Variants in SSH2 observed in about 807,000 individuals in gnomAD.
SSH2 encodes protein phosphatase Slingshot homolog 2.
In SSH2, 37 loss-of-function variants were observed where a neutral mutation model predicts 135.2. The observed-to-expected ratio is 0.27, with a 90% CI of 0.21 to 0.36. The LOEUF (loss-of-function observed/expected upper bound fraction) is 0.36. SSH2 is among the 10% of genes least tolerant of loss of function. The probability of loss-of-function intolerance (pLI) is 1.00; values close to 1 mark genes in which losing one functional copy is unlikely to be tolerated. For missense variants in SSH2, 1,408 were observed against 1,765.3 expected, an observed-to-expected ratio of 0.80 and a Z score of 3.63; for synonymous variants, 628 against 646.2, an observed-to-expected ratio of 0.97 and a Z score of 0.43.
chr17:29,836,899 C>T (rs186550350), intron 2 of SSH2, among the ~76,000 whole-genome samples: 4 of 152,174 alleles, frequency 2.6e-5, no homozygotes, highest in African/African-American at 9.7e-5. Flanking sequence ...ACAAGGTTAA[C>T]ACTTCTTGCC....
chr17:29,667,005 A>G lies in SSH2; in HGVS notation c.904-10T>C. The G allele has an allele frequency of 6.2e-7, 1 of 1,614,120 alleles. No individual in the cohort carries two copies. Among genetic ancestry groups the G allele is most frequent in the Non-Finnish European group, 8.5e-7 (1 of 1,180,012 alleles). On this transcript the variant is annotated splice_polypyrimidine_tract_variant and intron_variant, in intron 10 of 15. Coordinates refer to ENST00000540801, the MANE Select transcript of SSH2 (RefSeq NM_001282129.2). Reference sequence around the variant, plus strand: ...CCAACTCTGTTCTTATCTGAAACAAAGATGATATATTGGACCCATCTCTTA... The same window carrying G: ...CCAACTCTGTTCTTATCTGAAACAAGGATGATATATTGGACCCATCTCTTA...
At chr17:29,663,254 C>T (rs2037126152) in intron 11 of SSH2, among the ~76,000 whole-genome samples, 1 of 152,258 alleles carries the variant, frequency 6.6e-6, no homozygotes, top group South Asian at 2.1e-4. Flanking sequence ...AGGAGAAATC[C>T]TGTTGCCTCT....
chr17:29,720,298 T>C (rs2039776457), intron 3 of SSH2, among the ~76,000 whole-genome samples: 2 of 152,200 alleles, frequency 1.3e-5, no homozygotes, highest in African/African-American at 4.8e-5. Context: ...ACCTTACCAG[T>C]AACTCTCAAA....
At chr17:29,730,981 T>G (rs2040169892) in intron 3 of SSH2, among the ~76,000 whole-genome samples, 1 of 152,216 alleles carries the variant, frequency 6.6e-6, no homozygotes, top group Non-Finnish European at 1.5e-5. Flanking sequence ...GACTTACAGT[T>G]CTCAGATCAT....
intron 1 of SSH2, among the ~76,000 whole-genome samples, chr17:29,902,973 G>A (rs1172685872): frequency 6.6e-6 from 1 of 151,968 alleles, no homozygotes; most frequent in Non-Finnish European, 1.5e-5. Flanking sequence ...ATCACTTGAG[G>A]TCAGGAATTC....
intron 12 of SSH2, among the ~76,000 whole-genome samples, chr17:29,652,932 A>G (rs2036636839): frequency 6.6e-6 from 1 of 152,220 alleles, no homozygotes; most frequent in African/African-American, 2.4e-5. Context: ...CTGGGATTAC[A>G]GGTGTGAACC....
Position 29,626,606 on chromosome 17 carries a change from G to T in SSH2, c.*4235C>A, listed in dbSNP as rs1161689196. 2 of 152,638 alleles carry T rather than the reference G, an allele frequency of 1.3e-5. No individual in the cohort carries two copies. The highest frequency in any genetic ancestry group is 2.4e-5 in the African/African-American group (1 of 41,428). The allele number at this position is 152,638 out of a possible 1,614,324, so 9.5% of individuals were successfully genotyped here. ...AAATGAGGCTGGTTATCTTCTCATA[G>T]CAGGAGCCAGGGCCAGTCACCCTCC... On this transcript the variant is annotated 3_prime_UTR_variant, in exon 16 of 16. Coordinates refer to ENST00000540801, the MANE Select transcript of SSH2 (RefSeq NM_001282129.2).
chr17:29,727,274 A>T (rs954158886), intron 3 of SSH2, among the ~76,000 whole-genome samples: 1 of 152,228 alleles, frequency 6.6e-6, no homozygotes, highest in Non-Finnish European at 1.5e-5. Context: ...GATGAATGGG[A>T]AATCTGAAGC....
At chr17:29,652,075 G>A (rs891156956) in intron 12 of SSH2, among the ~76,000 whole-genome samples, 4 of 152,166 alleles carry the variant, frequency 2.6e-5, no homozygotes, top group Admixed American at 2.0e-4. Flanking sequence ...CCGGGAGGCG[G>A]AGGTTGCAGT....
intron 3 of SSH2, among the ~76,000 whole-genome samples, chr17:29,764,936 G>A (rs1249215945): frequency 1.3e-5 from 2 of 152,192 alleles, no homozygotes; most frequent in Non-Finnish European, 2.9e-5. Context: ...GTGCTGAAAT[G>A]CGAATGAAGG....
chr17:29,894,873 C>T (rs1328581896), intron 1 of SSH2, among the ~76,000 whole-genome samples: 1 of 151,664 alleles, frequency 6.6e-6, no homozygotes, highest in East Asian at 1.9e-4. Context: ...TAGCTCCACC[C>T]CCGCCCCCCC....
chr17:29,761,290 A>C, intron 3 of SSH2: 1 of 1,283,766 alleles, frequency 7.8e-7, no homozygotes, highest in Non-Finnish European at 1.0e-6. Context: ...GGCCGGCTCA[A>C]AGTGCACAAC....
At chr17:29,709,287 T>C (rs933787165) in intron 3 of SSH2, among the ~76,000 whole-genome samples, 3 of 152,164 alleles carry the variant, frequency 2.0e-5, no homozygotes, top group African/African-American at 7.2e-5. Context: ...CTCCAAATCA[T>C]GCTCTACCAT....
chr17:29,780,648 C>T (rs981537781), intron 3 of SSH2: 1 of 151,914 alleles, frequency 6.6e-6, no homozygotes, highest in Non-Finnish European at 1.5e-5. Context: ...AGGTCTCGAG[C>T]TCCTGACCTC....
rs902083841 is a variant in SSH2, at chr17:29,630,618, A to T, written c.*223T>A. On this transcript the variant is annotated 3_prime_UTR_variant, in exon 16 of 16. Coordinates refer to ENST00000540801, the MANE Select transcript of SSH2 (RefSeq NM_001282129.2). Reference sequence around the variant, plus strand: ...GACTTTTTTGAGGTTTGATTTTTTTAAATAAAAAATGATAAACGGTCTTGC... The same window carrying T: ...GACTTTTTTGAGGTTTGATTTTTTTTAATAAAAAATGATAAACGGTCTTGC... 3.3e-5 allele frequency: 12 copies of T among 365,334 alleles called. No individual in the cohort carries two copies. The highest frequency in any genetic ancestry group is 4.7e-5 in the Admixed American group (1 of 21,474). The allele number at this position is 365,334 out of a possible 1,614,324, so 22.6% of individuals were successfully genotyped here.
chr17:29,659,916 C>T (rs1256620483), intron 11 of SSH2, among the ~76,000 whole-genome samples: 12 of 152,026 alleles, frequency 7.9e-5, no homozygotes, highest in Non-Finnish European at 1.8e-4. Context: ...CTGCAATCTC[C>T]ACCTCCTGGG....
chr17:29,652,900 C>T (rs1203194165), intron 12 of SSH2, among the ~76,000 whole-genome samples: 1 of 152,200 alleles, frequency 6.6e-6, no homozygotes, highest in East Asian at 1.9e-4. Flanking sequence ...TTGTGGTCTG[C>T]CTGCTTCGGC....
intron 3 of SSH2, among the ~76,000 whole-genome samples, chr17:29,744,860 A>AGTGTGT (rs71689248): frequency 0.082 from 11,485 of 140,404 alleles, 556 homozygotes; most frequent in Admixed American, 0.11. Context: ...GGATTACTTG[A>AGTGTGT]GTGTGTGTGT....
intron 3 of SSH2, among the ~76,000 whole-genome samples, chr17:29,741,934 CTTTTTTTTT>C (rs71138848): frequency 4.1e-5 from 4 of 97,910 alleles, no homozygotes; most frequent in African/African-American, 8.1e-5. Flanking sequence ...ATTTTTTTTT[CTTTTTTTTT>C]TTTTTTTTTT....
Sources: allele counts gnomAD v4.1 joint callset (sites outside exome capture counted in the v4.1 genomes callset), GRCh38; gene constraint gnomAD v4.1.1; transcripts MANE v1.5; gene names NCBI Gene and HGNC (gene_info 2026-07-23, HGNC 2026-07-21).